The following VPS13A variants were observed in gnomAD, a reference collection of about 807,000 sequenced individuals.
VPS13A encodes the protein vacuolar protein sorting 13 homolog A, also known as intermembrane lipid transfer protein VPS13A.
A neutral mutation model predicts 390.9 loss-of-function variants in VPS13A; 264 were observed. That is an observed-to-expected ratio of 0.68 (90% CI 0.61 to 0.75). The LOEUF (loss-of-function observed/expected upper bound fraction) is 0.75. Among genes scored for constraint, VPS13A ranks in the 30% least tolerant of loss-of-function variants. The pLI is 0.00. For missense variants in VPS13A, 3,409 were observed against 3,733.9 expected, an observed-to-expected ratio of 0.91 and a Z score of 2.27; for synonymous variants, 1,231 against 1,227.1, an observed-to-expected ratio of 1.00 and a Z score of -0.07.
chr9:77,264,363 T>A lies in VPS13A; in HGVS notation c.2427+4139T>A, dbSNP rs1825920506. Among the ~76,000 whole-genome samples, 3 of 152,216 alleles carry A rather than the reference T, an allele frequency of 2.0e-5. No homozygotes were observed. In the South Asian group the frequency reaches 6.2e-4, roughly 32 times the overall value. On this transcript the variant is annotated intron_variant, in intron 23 of 71. Transcript: ENST00000360280. The stretch of plus-strand genomic sequence containing the variant: ...AATGATAACTTAATGGGGATAGCCT[T>A]GAATCTATAAATTACCTTGGGCAGT...
At chr9:77,276,242 A>C (rs759527922) in intron 26 of VPS13A, 21 bp downstream of exon 26, 17 of 1,544,868 alleles carry the variant, frequency 1.1e-5, no homozygotes, top group Non-Finnish European at 1.5e-5. Flanking sequence ...CTATTTTTTA[A>C]AATAAATAAA....
At chr9:77,226,380 A>C (rs1423600165) in intron 14 of VPS13A, 86 bp from the exon 15 acceptor site, 5 of 1,267,364 alleles carry the variant, frequency 3.9e-6, no homozygotes, top group Non-Finnish European at 5.7e-6. Flanking sequence ...TCAAGAGGAT[A>C]AGTTCTCAGA....
intron 71 of VPS13A, among the ~76,000 whole-genome samples, chr9:77,409,289 C>G (rs1463132287): frequency 2.0e-5 from 3 of 152,142 alleles, no homozygotes; most frequent in Non-Finnish European, 4.4e-5. Flanking sequence ...CACACCAAAG[C>G]CCCATCTGTA....
In VPS13A at chr9:77,293,479, T is replaced by G. The variant is rs1307114004; in HGVS notation, c.3478T>G (p.Phe1160Val). 5.6e-6 allele frequency: 9 copies of G among 1,593,784 alleles called. No individual in the cohort carries two copies. In the African/African-American group the frequency reaches 1.1e-4, roughly 19 times the overall value. Reference protein sequence around the residue: ...NLIVGCIEVVFVTKFLYSILA... With the variant: ...NLIVGCIEVVVVTKFLYSILA... ...AATAGTTGGTTGCATTGAAGTAGTT[T>G]TTGTCACGAAATTTCTATATTCTAT... The change falls in exon 32 of 72, where the codon TTT becomes GTT. Residue 1160 changes from phenylalanine (F) to valine (V), a missense_variant. Physicochemically the swap from Phe to Val is conservative, Grantham distance 50. Transcript: ENST00000360280.
intron 7 of VPS13A, among the ~76,000 whole-genome samples, chr9:77,212,183 G>A (rs1327016871): frequency 6.6e-6 from 1 of 152,048 alleles, no homozygotes; most frequent in Non-Finnish European, 1.5e-5. Flanking sequence ...CCTCTCAGTG[G>A]CTTTTCATTG....
chr9:77,384,955 C>G (rs1833618552), intron 68 of VPS13A: 1 of 1,165,472 alleles, frequency 8.6e-7, no homozygotes, highest in African/African-American at 1.6e-5. Flanking sequence ...TTTAAGAGTT[C>G]AAGTTAGACT....
At chr9:77,276,300 G>A (rs1826666895) in intron 26 of VPS13A, 79 bp downstream of exon 26, 1 of 1,280,284 alleles carries the variant, frequency 7.8e-7, no homozygotes, top group Non-Finnish European at 1.1e-6. Flanking sequence ...AATTCTTTAG[G>A]CTCTGAATCA....
chr9:77,282,591 G>T (rs1827104301), intron 29 of VPS13A, among the ~76,000 whole-genome samples: 1 of 152,012 alleles, frequency 6.6e-6, no homozygotes, highest in African/African-American at 2.4e-5. Context: ...TAAAATTTAT[G>T]CATTTCATGA....
At chr9:77,191,119 C>T (rs920948000) in intron 1 of VPS13A, among the ~76,000 whole-genome samples, 1 of 151,938 alleles carries the variant, frequency 6.6e-6, no homozygotes, top group South Asian at 2.1e-4. Flanking sequence ...TCTAGTTCCT[C>T]TAGGCATGAT....
At chr9:77,287,992 G>A (rs888040263) in intron 31 of VPS13A, among the ~76,000 whole-genome samples, 2 of 152,076 alleles carry the variant, frequency 1.3e-5, no homozygotes, top group Non-Finnish European at 2.9e-5. Flanking sequence ...CATATACAAT[G>A]GGTCTGTCAA....
Position 77,405,952 on chromosome 9 carries a change from A to G in VPS13A, c.9364A>G (p.Ile3122Val), listed in dbSNP as rs145792340. ...SFDEFTKEPF[I>V]VHGRRLRIEA... ...TGATGAATTTACCAAAGAGCCATTC[A>G]TTGTTCATGGGAGAAGATTGCGCAT... is the stretch of plus-strand genomic sequence containing the variant. The change falls in exon 70 of 72, where the codon ATT becomes GTT. Residue 3122 changes from isoleucine to valine, a missense_variant. Physicochemically the swap from Ile to Val is conservative, Grantham distance 29. Around this residue, in one of 5 missense-constraint regions of VPS13A, gnomAD observed 318 missense variants for 333.7 expected, o/e 0.95. Transcript: ENST00000360280. 8.7e-6 allele frequency: 14 copies of G among 1,613,832 alleles called. No individual in the cohort carries two copies. The South Asian group carries it at 1.2e-4, about 14-fold the overall frequency.
Position 77,313,741 on chromosome 9 carries a change from C to T in VPS13A, c.4115-251C>T, listed in dbSNP as rs187124304. Among the ~76,000 whole-genome samples, 4 of 152,144 alleles carry T rather than the reference C, an allele frequency of 2.6e-5. No individual in the cohort carries two copies. The East Asian group carries it at 7.7e-4, about 29-fold the overall frequency. ...AGTTCTATTTTTCCTTGGAACAGAA[C>T]AGAAGTAGGAACAGAAGCATCAAGA... On this transcript the variant is annotated intron_variant, in intron 35 of 71. Coordinates refer to ENST00000360280, the MANE Select transcript of VPS13A (RefSeq NM_033305.3).
chr9:77,280,917 G>T (rs1034174592), intron 27 of VPS13A, among the ~76,000 whole-genome samples: 2 of 151,960 alleles, frequency 1.3e-5, no homozygotes, highest in Non-Finnish European at 2.9e-5. Context: ...AAGAAAATGT[G>T]GTATATATAC....
chr9:77,382,765 G>T, intron 68 of VPS13A: 1 of 985,594 alleles, frequency 1.0e-6, no homozygotes, highest in Non-Finnish European at 1.2e-6. Flanking sequence ...AAAACTTGTG[G>T]GATTTGATAA....
At chr9:77,409,786 G>A (rs1429485590) in intron 71 of VPS13A, among the ~76,000 whole-genome samples, 2 of 151,222 alleles carry the variant, frequency 1.3e-5, no homozygotes, top group African/African-American at 4.9e-5. Context: ...CAAGAAATAT[G>A]GGACTATGTG....
At position 77,220,283 on chromosome 9, in the gene VPS13A, A is replaced by C. The variant is rs1238508069; in HGVS notation, c.889A>C (p.Ser297Arg). 5 of 1,610,188 alleles carry C rather than the reference A, an allele frequency of 3.1e-6. No individual in the cohort carries two copies. Among genetic ancestry groups the C allele is most frequent in the Non-Finnish European group, 4.2e-6 (5 of 1,177,846 alleles). Residue 297 changes from serine (S) to arginine (R), a missense_variant, in exon 12 of 72, where the codon AGT (serine) becomes CGT (arginine). Ser to Arg is a moderately radical substitution (Grantham distance 110). Around this residue, in one of 5 missense-constraint regions of VPS13A, gnomAD observed 2,717 missense variants for 2,917.4 expected, o/e 0.93. Transcript: ENST00000360280. ...TTAATTTTCCATTCTTTAGTATTTC[A>C]GTATTATGGAGCTTCTTGAATCAGT... ...AIEFNKPQYF[S>R]IMELLESVDM...
intron 45 of VPS13A, among the ~76,000 whole-genome samples, chr9:77,326,272 A>G (rs1196155322): frequency 6.6e-6 from 1 of 152,034 alleles, no homozygotes; most frequent in East Asian, 1.9e-4. Context: ...GGGTTTACTG[A>G]CCTTAAAAAT....
Position 77,370,339 on chromosome 9 carries a change from A to C in VPS13A, c.8743+7A>C, listed in dbSNP as rs758549955. On this transcript the variant is annotated splice_region_variant and intron_variant, in intron 64 of 71. Coordinates refer to ENST00000360280, the MANE Select transcript of VPS13A (RefSeq NM_033305.3). ...CTAGTTGGTGGAGCTGTTGGTAAGAAACAGAATATCTACCAAGTATTTTTG... is the reference window on the plus strand; with the variant it reads ...CTAGTTGGTGGAGCTGTTGGTAAGACACAGAATATCTACCAAGTATTTTTG... 6.2e-7 allele frequency: 1 copy of C among 1,614,150 alleles called. No homozygotes were observed. The highest frequency in any genetic ancestry group is 1.1e-5 in the South Asian group (1 of 91,086).
At chr9:77,360,735 T>G in intron 59 of VPS13A, 94 bp downstream of exon 59, 1 of 941,478 alleles carries the variant, frequency 1.1e-6, no homozygotes, top group Non-Finnish European at 1.7e-6. Flanking sequence ...TGTTGCATTT[T>G]AAAAATACAA....
Sources: gnomAD v4.1 joint callset for allele counts (sites outside exome capture counted in the v4.1 genomes callset) on GRCh38, gnomAD v4.1.1 for gene constraint, gnomAD v4.1.1 regional missense constraint, MANE v1.5 for transcripts, NCBI Gene and HGNC (gene_info 2026-07-23, HGNC 2026-07-21) for gene names.